Variants in GMDS observed in about 807,000 individuals in gnomAD.
GMDS encodes the protein GDP-mannose 4,6 dehydratase.
In GMDS, 20 loss-of-function variants were observed where a neutral mutation model predicts 49.9. That is an observed-to-expected ratio of 0.40 (90% CI 0.28 to 0.58). GMDS has a LOEUF of 0.58. Ranked by LOEUF, GMDS falls within the 20% of genes least tolerant of loss-of-function variation. The pLI is 0.42. For missense variants in GMDS, 362 were observed against 481.4 expected, an observed-to-expected ratio of 0.75 and a Z score of 2.32; for synonymous variants, 177 against 178.6, an observed-to-expected ratio of 0.99 and a Z score of 0.07.
chr6:1,932,834 G>A (rs1033809093), intron 6 of GMDS, among the ~76,000 whole-genome samples: 3 of 152,128 alleles, frequency 2.0e-5, no homozygotes, highest in Non-Finnish European at 2.9e-5. Flanking sequence ...CACCGCGCCC[G>A]CTCAAAATGT....
chr6:2,112,314 T>C (rs1048671967), intron 4 of GMDS, among the ~76,000 whole-genome samples: 2 of 152,186 alleles, frequency 1.3e-5, no homozygotes, highest in Non-Finnish European at 2.9e-5. Flanking sequence ...AACTAGTAAG[T>C]AATAGGATTA....
intron 9 of GMDS, among the ~76,000 whole-genome samples, chr6:1,673,021 A>G (rs1764477538): frequency 1.3e-5 from 2 of 152,248 alleles, no homozygotes; most frequent in African/African-American, 2.4e-5. Flanking sequence ...TTCAAACAGC[A>G]TGAAACAAAC....
intron 7 of GMDS, among the ~76,000 whole-genome samples, chr6:1,748,950 A>T (rs1767618868): frequency 6.6e-6 from 1 of 152,152 alleles, no homozygotes; most frequent in Non-Finnish European, 1.5e-5. Flanking sequence ...ACACTCAAGC[A>T]TAGATTCTGG....
intron 4 of GMDS, among the ~76,000 whole-genome samples, chr6:2,034,533 T>C (rs1769170766): frequency 6.6e-6 from 1 of 152,210 alleles, no homozygotes; most frequent in Non-Finnish European, 1.5e-5. Context: ...TGTTGTACTT[T>C]AAATAGTTGA....
intron 4 of GMDS, among the ~76,000 whole-genome samples, chr6:2,014,125 A>C (rs1053062829): frequency 3.7e-5 from 5 of 135,218 alleles, no homozygotes; most frequent in South Asian, 2.7e-4. Flanking sequence ...CCCCCCCCCC[A>C]AAAAAATAAA....
chr6:2,171,660 CA>C (rs1778011941), intron 1 of GMDS, among the ~76,000 whole-genome samples: 2 of 152,046 alleles, frequency 1.3e-5, no homozygotes, highest in Middle Eastern at 3.4e-3. Flanking sequence ...GCACAGGGAA[CA>C]AAAAATGAGA....
intron 7 of GMDS, among the ~76,000 whole-genome samples, chr6:1,800,351 G>A (rs947009589): frequency 2.0e-5 from 3 of 152,156 alleles, no homozygotes; most frequent in Admixed American, 6.6e-5. Flanking sequence ...GTAAAAAGTG[G>A]ATAGTAACAC....
chr6:1,639,339 G>T (rs753217876), intron 9 of GMDS, among the ~76,000 whole-genome samples: 9 of 152,226 alleles, frequency 5.9e-5, no homozygotes, highest in Non-Finnish European at 1.2e-4. Context: ...TGAAGTGAGG[G>T]CTCTTGGGAA....
intron 7 of GMDS, among the ~76,000 whole-genome samples, chr6:1,779,816 G>A (rs540168572): frequency 3.9e-5 from 6 of 152,374 alleles, no homozygotes; most frequent in East Asian, 3.9e-4. Flanking sequence ...AAGTGTCTGT[G>A]TTTCGAGTGC....
chr6:2,068,225 C>T (rs550012482), intron 4 of GMDS, among the ~76,000 whole-genome samples: 1 of 152,162 alleles, frequency 6.6e-6, no homozygotes, highest in East Asian at 1.9e-4. Flanking sequence ...ACGCTTCATG[C>T]TAAAAACTCC....
intron 9 of GMDS, among the ~76,000 whole-genome samples, chr6:1,710,494 G>A (rs1440953499): frequency 4.6e-5 from 7 of 152,172 alleles, no homozygotes; most frequent in South Asian, 2.1e-4. Flanking sequence ...TGGAGCTTCC[G>A]CCTATCAGAG....
intron 1 of GMDS, among the ~76,000 whole-genome samples, chr6:2,165,180 T>C (rs891159254): frequency 2.0e-5 from 3 of 152,148 alleles, no homozygotes; most frequent in Admixed American, 2.0e-4. Context: ...CCACTCCCAG[T>C]ACCAAAATCT....
chr6:2,041,261 GATAA>G (rs1359878028), intron 4 of GMDS, among the ~76,000 whole-genome samples: 1 of 152,152 alleles, frequency 6.6e-6, no homozygotes, highest in African/African-American at 2.4e-5. Flanking sequence ...AAAAAGATTA[GATAA>G]ATAAATGCCT....
chr6:2,227,852 A>T (rs1780887996), intron 1 of GMDS, among the ~76,000 whole-genome samples: 1 of 152,230 alleles, frequency 6.6e-6, no homozygotes, highest in Admixed American at 6.5e-5. Context: ...TGCTGTCCAG[A>T]CATAGGCTCT....
At chr6:1,940,662 G>A (rs534025430) in intron 6 of GMDS, among the ~76,000 whole-genome samples, 1 of 152,186 alleles carries the variant, frequency 6.6e-6, no homozygotes, top group Non-Finnish European at 1.5e-5. Context: ...GCTTAAAAGA[G>A]GACAATTCAC....
chr6:2,101,303 C>T (rs1581651473), intron 4 of GMDS, among the ~76,000 whole-genome samples: 1 of 148,544 alleles, frequency 6.7e-6, no homozygotes, highest in African/African-American at 2.5e-5. Flanking sequence ...GGTAAAAAAA[C>T]ACTAAAAAAA....
intron 7 of GMDS, among the ~76,000 whole-genome samples, chr6:1,832,650 C>CAA (rs1203076694): frequency 6.6e-6 from 1 of 152,114 alleles, no homozygotes; most frequent in Non-Finnish European, 1.5e-5. Flanking sequence ...AAGCCAGAGC[C>CAA]AAAGACTCCT....
chr6:1,892,298 G>A (rs1346259995), intron 7 of GMDS, among the ~76,000 whole-genome samples: 2 of 151,970 alleles, frequency 1.3e-5, no homozygotes, highest in African/African-American at 4.8e-5. Context: ...GAATCTGCCT[G>A]TCTGTAATGC....
intron 7 of GMDS, among the ~76,000 whole-genome samples, chr6:1,795,561 G>C (rs969533297): frequency 6.6e-6 from 1 of 152,124 alleles, no homozygotes; most frequent in Non-Finnish European, 1.5e-5. Context: ...AAATTAAAAG[G>C]TGAATGAAAC....
Sources: allele counts gnomAD v4.1 joint callset (sites outside exome capture counted in the v4.1 genomes callset), GRCh38; gene constraint gnomAD v4.1.1; transcripts MANE v1.5; gene names NCBI Gene and HGNC (gene_info 2026-07-23, HGNC 2026-07-21).